The following BCL2L13 variants were observed in gnomAD, a reference collection of about 807,000 sequenced individuals.
BCL2L13 encodes the protein BCL2 like 13.
BCL2L13 carries 13 observed loss-of-function variants against 25.8 expected under a neutral mutation model. The observed-to-expected ratio is 0.50, with a 90% CI of 0.33 to 0.80. BCL2L13 has a LOEUF of 0.80. BCL2L13 is among the 30% of genes least tolerant of loss of function. The pLI is 0.02. For synonymous variants in BCL2L13, 244 were observed against 230.3 expected, an observed-to-expected ratio of 1.06 and a Z score of -0.54; for missense variants, 504 against 574.9, an observed-to-expected ratio of 0.88 and a Z score of 1.26.
chr22:17,655,203 T>C (rs1159635088), intron 1 of BCL2L13, among the ~76,000 whole-genome samples: 2 of 152,146 alleles, frequency 1.3e-5, no homozygotes, highest in Admixed American at 1.3e-4. Context: ...CTGGACAGTC[T>C]TCAGAGGCAG....
chr22:17,688,593 C>CA (rs1261073670), intron 3 of BCL2L13, among the ~76,000 whole-genome samples: 1 of 152,012 alleles, frequency 6.6e-6, no homozygotes, highest in East Asian at 1.9e-4. Context: ...TAAGCTTTTT[C>CA]ATTAAAACCT....
rs5992098 is a variant in BCL2L13 at position 17,714,406 on chromosome 22, G to T, written c.600+12020G>T. The stretch of plus-strand genomic sequence containing the variant: ...GGCGGAGGTTGCAGCGAGCCAAGAT[G>T]GTGCAACTGCACTCCAGCCTGGGTG... On this transcript the variant is annotated intron_variant, in intron 6 of 6. Transcript: ENST00000317582. Among the ~76,000 whole-genome samples the T allele has an allele frequency of 2.8e-3, 421 of 152,022 alleles. 1 individual carries two copies. The highest frequency in any genetic ancestry group is 9.8e-3 in the African/African-American group (406 of 41,474).
At chr22:17,644,261 A>G (rs1244998969) in intron 1 of BCL2L13, among the ~76,000 whole-genome samples, 1 of 149,934 alleles carries the variant, frequency 6.7e-6, no homozygotes, top group Non-Finnish European at 1.5e-5. Context: ...TTATCTGTGA[A>G]TTTTTATTTT....
Position 17,640,758 on chromosome 22 carries a change from G to C in BCL2L13, c.-51+1872G>C, listed in dbSNP as rs372596606. Among the ~76,000 whole-genome samples the C allele has an allele frequency of 3.9e-4, 59 of 151,930 alleles. No individual in the cohort carries two copies. The East Asian group carries it at 9.8e-3, about 25-fold the overall frequency. ...CCAGCTACTTGGAAGACTGAGGCGAGAGGGAGGACTGCTTGAGCCCGGGAG... is the reference window on the plus strand; with the variant it reads ...CCAGCTACTTGGAAGACTGAGGCGACAGGGAGGACTGCTTGAGCCCGGGAG... On this transcript the variant is annotated intron_variant, in intron 1 of 6. Transcript: ENST00000317582.
intron 6 of BCL2L13, among the ~76,000 whole-genome samples, chr22:17,722,147 CCA>C (rs1426594727): frequency 2.6e-5 from 4 of 152,024 alleles, no homozygotes; most frequent in Non-Finnish European, 5.9e-5. Context: ...ATCCATTTTC[CCA>C]CAGAGTTATC....
intron 6 of BCL2L13, among the ~76,000 whole-genome samples, chr22:17,721,686 G>A (rs1387805488): frequency 2.0e-4 from 30 of 152,072 alleles, no homozygotes; most frequent in Admixed American, 2.0e-3. Context: ...CACCACGCCT[G>A]GCTAATTTTT....
intron 4 of BCL2L13, among the ~76,000 whole-genome samples, chr22:17,691,629 G>C (rs1481173796): frequency 1.3e-5 from 2 of 151,804 alleles, no homozygotes; most frequent in Non-Finnish European, 2.9e-5. Context: ...CTGGGTGACA[G>C]AGCAAGACTC....
chr22:17,667,577 C>T (rs1381911943), intron 2 of BCL2L13, among the ~76,000 whole-genome samples: 1 of 150,744 alleles, frequency 6.6e-6, no homozygotes, highest in Non-Finnish European at 1.5e-5. Flanking sequence ...GGTGTGGTCT[C>T]AGCTCACTGC....
chr22:17,639,452 C>G (rs372602728), intron 1 of BCL2L13, among the ~76,000 whole-genome samples: 1 of 152,158 alleles, frequency 6.6e-6, no homozygotes, highest in African/African-American at 2.4e-5. Flanking sequence ...GTCATTTTCC[C>G]CCTTTGATTT....
intron 1 of BCL2L13, among the ~76,000 whole-genome samples, chr22:17,631,859 CTA>C (rs2058037008): frequency 1.3e-5 from 2 of 150,260 alleles, no homozygotes; most frequent in South Asian, 4.2e-4. Flanking sequence ...GTAGCTGGGA[CTA>C]TAGGCGCGTG....
At chr22:17,628,928 A>G in exon 1 of BCL2L13, 1 of 502,012 alleles carries the variant, frequency 2.0e-6, no homozygotes, top group Non-Finnish European at 3.6e-6. Context: ...CTAAACTGGG[A>G]TCTTGGGTAG....
At chr22:17,687,378 G>A (rs2059973380) in intron 3 of BCL2L13, among the ~76,000 whole-genome samples, 2 of 152,058 alleles carry the variant, frequency 1.3e-5, no homozygotes, top group African/African-American at 4.8e-5. Context: ...GTCTCACTTT[G>A]TTGCCCAGGT....
At chr22:17,707,306 T>C (rs2060620811) in intron 6 of BCL2L13, among the ~76,000 whole-genome samples, 2 of 152,188 alleles carry the variant, frequency 1.3e-5, no homozygotes, top group South Asian at 4.1e-4. Context: ...TTCAGCACTC[T>C]CCATTTTCTT....
Position 17,678,440 on chromosome 22 carries a change from C to G in BCL2L13, c.122-4774C>G, listed in dbSNP as rs149447915. On this transcript the variant is annotated intron_variant, in intron 2 of 6. Coordinates refer to ENST00000317582, the MANE Select transcript of BCL2L13 (RefSeq NM_015367.4). ...ATCATGTCAGAAATGTTTCTGAGAT[C>G]TTTCATTCCTAGCCACCCAACCAGA... Among the ~76,000 whole-genome samples, 11 of 152,176 alleles carry G rather than the reference C, an allele frequency of 7.2e-5. No homozygotes were observed. In the East Asian group the frequency reaches 2.1e-3, roughly 29 times the overall value.
At chr22:17,686,466 A>G (rs535311323) in intron 3 of BCL2L13, among the ~76,000 whole-genome samples, 1 of 152,132 alleles carries the variant, frequency 6.6e-6, no homozygotes, top group African/African-American at 2.4e-5. Context: ...GAAATGTACA[A>G]ATAATCCTGA....
intron 2 of BCL2L13, among the ~76,000 whole-genome samples, chr22:17,659,131 C>G (rs1045345343): frequency 2.1e-5 from 3 of 141,736 alleles, no homozygotes; most frequent in African/African-American, 7.5e-5. Context: ...TTTGGAAGGC[C>G]AAGGTGGGTG....
chr22:17,720,957 G>A (rs549368580), intron 6 of BCL2L13, among the ~76,000 whole-genome samples: 2 of 152,102 alleles, frequency 1.3e-5, no homozygotes, highest in African/African-American at 4.8e-5. Context: ...ACGAGGTCAG[G>A]AGATCGAGAC....
chr22:17,710,586 A>G (rs1175696706), intron 6 of BCL2L13, among the ~76,000 whole-genome samples: 1 of 151,702 alleles, frequency 6.6e-6, no homozygotes, highest in Admixed American at 6.6e-5. Flanking sequence ...TCTCAAAAAA[A>G]AGTAAATAAA....
chr22:17,723,597 C>G (rs931611415), intron 6 of BCL2L13, among the ~76,000 whole-genome samples: 1 of 152,180 alleles, frequency 6.6e-6, no homozygotes, highest in African/African-American at 2.4e-5. Flanking sequence ...GCATAACTTA[C>G]TGATTACTTC....
Sources: gnomAD v4.1 joint callset for allele counts (sites outside exome capture counted in the v4.1 genomes callset) on GRCh38, gnomAD v4.1.1 for gene constraint, MANE v1.5 for transcripts, NCBI Gene and HGNC (gene_info 2026-07-23, HGNC 2026-07-21) for gene names.